The following DRC8 variants were observed in gnomAD, a reference collection of about 807,000 sequenced individuals.
DRC8 encodes dynein regulatory complex protein 8.
At chr1:245,027,379 T>C in the DRC8 span, among the ~76,000 whole-genome samples, 2 of 152,154 alleles carry the variant, frequency 1.3e-5, no homozygotes, top group Admixed American at 6.5e-5. Context: ...GAAAAAGATA[T>C]TGAAGAAAAA....
chr1:245,107,919 G>C, the DRC8 span, among the ~76,000 whole-genome samples: 4 of 151,974 alleles, frequency 2.6e-5, no homozygotes, highest in African/African-American at 4.8e-5. Context: ...CAGAAGCTCC[G>C]CGTCCTCCTG....
the DRC8 span, among the ~76,000 whole-genome samples, chr1:245,020,292 C>A: frequency 2.0e-5 from 3 of 152,180 alleles, no homozygotes; most frequent in African/African-American, 7.2e-5. Context: ...TGCTGGGCAG[C>A]CACCAGCCCA....
the DRC8 span, among the ~76,000 whole-genome samples, chr1:245,078,122 A>G: frequency 6.6e-6 from 1 of 152,216 alleles, no homozygotes; most frequent in South Asian, 2.1e-4. Context: ...CATCAAGGAA[A>G]TGCAAACCAA....
At chr1:245,114,892 A>G in the DRC8 span, among the ~76,000 whole-genome samples, 2 of 150,986 alleles carry the variant, frequency 1.3e-5, no homozygotes, top group South Asian at 4.2e-4. Context: ...TGCCCAACTA[A>G]TTTTTGTATT....
the DRC8 span, among the ~76,000 whole-genome samples, chr1:244,992,792 C>T: frequency 6.6e-5 from 10 of 152,300 alleles, no homozygotes; most frequent in Non-Finnish European, 1.3e-4. Context: ...TGACGTAGTG[C>T]CTGTGTCAGT....
the DRC8 span, among the ~76,000 whole-genome samples, chr1:245,031,860 A>G: frequency 1.3e-5 from 2 of 152,160 alleles, no homozygotes; most frequent in African/African-American, 4.8e-5. Context: ...GACATAAAGA[A>G]TGTCTCTCTT....
the DRC8 span, chr1:245,002,194 G>T: frequency 6.2e-7 from 1 of 1,610,508 alleles, no homozygotes; most frequent in African/African-American, 1.3e-5. Context: ...GGTGGAAGAA[G>T]AGACCATCAC....
At chr1:245,009,263 G>A in the DRC8 span, among the ~76,000 whole-genome samples, 2 of 151,776 alleles carry the variant, frequency 1.3e-5, no homozygotes, top group African/African-American at 4.8e-5. Context: ...TCGAACTCCT[G>A]ACCTTGTGAT....
At chr1:245,054,000 C>G in the DRC8 span, among the ~76,000 whole-genome samples, 1 of 152,100 alleles carries the variant, frequency 6.6e-6, no homozygotes, top group Non-Finnish European at 1.5e-5. Context: ...TGAACAACGC[C>G]CGCATCAGCC....
the DRC8 span, among the ~76,000 whole-genome samples, chr1:244,991,560 T>C: frequency 1.3e-5 from 2 of 152,352 alleles, no homozygotes; most frequent in East Asian, 3.9e-4. Flanking sequence ...GATTCCATTA[T>C]TGTAACTTGT....
the DRC8 span, among the ~76,000 whole-genome samples, chr1:245,108,836 T>C: frequency 6.6e-6 from 1 of 152,172 alleles, no homozygotes; most frequent in East Asian, 1.9e-4. Context: ...TGCCATAGCC[T>C]CCTAACTCTG....
At chr1:245,084,283 T>C in the DRC8 span, among the ~76,000 whole-genome samples, 7 of 152,204 alleles carry the variant, frequency 4.6e-5, no homozygotes, top group African/African-American at 1.4e-4. Context: ...GGTTTCACCA[T>C]GTTGGCCAGG....
the DRC8 span, among the ~76,000 whole-genome samples, chr1:245,111,879 A>T: frequency 6.6e-6 from 1 of 151,626 alleles, no homozygotes; most frequent in African/African-American, 2.4e-5. Flanking sequence ...CTATACAAAT[A>T]AAAAAAAATT....
the DRC8 span, among the ~76,000 whole-genome samples, chr1:245,098,321 G>T: frequency 6.6e-6 from 1 of 152,148 alleles, no homozygotes; most frequent in Non-Finnish European, 1.5e-5. Context: ...CCTGGGGTTG[G>T]AGTGGTCAGT....
the DRC8 span, among the ~76,000 whole-genome samples, chr1:245,018,914 A>G: frequency 6.6e-6 from 1 of 152,138 alleles, no homozygotes; most frequent in Non-Finnish European, 1.5e-5. Flanking sequence ...TCTAACGCCA[A>G]GTCTCTTGCT....
At chr1:245,077,143 TATA>T in the DRC8 span, among the ~76,000 whole-genome samples, 15 of 152,254 alleles carry the variant, frequency 9.9e-5, no homozygotes, top group Admixed American at 5.2e-4. Context: ...ATATGTTAGT[TATA>T]ATGTTTGCTA....
the DRC8 span, chr1:245,091,405 C>A: frequency 6.6e-6 from 1 of 152,242 alleles, no homozygotes; most frequent in Non-Finnish European, 1.5e-5. Context: ...TGCGTTAAGA[C>A]CTGTAAGCCA....
At chr1:245,095,403 A>G in the DRC8 span, among the ~76,000 whole-genome samples, 1 of 152,250 alleles carries the variant, frequency 6.6e-6, no homozygotes, top group Admixed American at 6.5e-5. Context: ...GGATCAGACC[A>G]TATATGCTAT....
chr1:244,992,134 A>G, the DRC8 span, among the ~76,000 whole-genome samples: 1 of 152,220 alleles, frequency 6.6e-6, no homozygotes, highest in Non-Finnish European at 1.5e-5. Flanking sequence ...TCAACAAGGA[A>G]AAACTTTTCT....
Sources: gnomAD v4.1 joint callset for allele counts (sites outside exome capture counted in the v4.1 genomes callset) on GRCh38, gnomAD v4.1.1 for gene constraint, MANE v1.5 for transcripts, NCBI Gene and HGNC (gene_info 2026-07-23, HGNC 2026-07-21) for gene names.